PLEKHA5: variants seen among roughly 807,000 people sequenced by gnomAD.
PLEKHA5 encodes pleckstrin homology domain-containing family A member 5.
A neutral mutation model predicts 181.9 loss-of-function variants in PLEKHA5; 55 were observed. The ratio of observed to expected loss-of-function variants is 0.30; its 90% CI spans 0.24 to 0.38. The LOEUF is 0.38. PLEKHA5 is among the 10% of genes least tolerant of loss of function. The pLI is 1.00. For synonymous variants in PLEKHA5, 535 were observed against 529.4 expected (o/e 1.01, Z -0.15); for missense variants, 1,432 against 1,549.5 (o/e 0.92, Z 1.27).
At chr12:19,353,199 G>T (rs957318516) in intron 25 of PLEKHA5, among the ~76,000 whole-genome samples, 1 of 151,834 alleles carries the variant, frequency 6.6e-6, no homozygotes, top group Non-Finnish European at 1.5e-5. Context: ...TGTCACCCAG[G>T]CTGGAGTGCC....
At chr12:19,138,721 T>C (rs1335054907) in intron 3 of PLEKHA5, among the ~76,000 whole-genome samples, 5 of 151,888 alleles carry the variant, frequency 3.3e-5, no homozygotes, top group African/African-American at 4.8e-5. Flanking sequence ...TTCAGATGAG[T>C]TGATAAGACT....
At chr12:19,321,794 A>T (rs78740473) in intron 18 of PLEKHA5, 1 of 152,164 alleles carries the variant, frequency 6.6e-6, no homozygotes, top group Non-Finnish European at 1.5e-5. Context: ...TTTCTTGCTT[A>T]TGTGTCATTA....
chr12:19,340,404 G>A (rs1199408885), intron 21 of PLEKHA5, among the ~76,000 whole-genome samples: 37 of 137,860 alleles, frequency 2.7e-4, no homozygotes, highest in Non-Finnish European at 3.8e-4. Context: ...CGCCCCGTCC[G>A]GGAGGTGAGG....
intron 3 of PLEKHA5, among the ~76,000 whole-genome samples, chr12:19,226,054 A>T (rs2059643345): frequency 6.6e-6 from 1 of 152,200 alleles, no homozygotes; most frequent in African/African-American, 2.4e-5. Context: ...CCGTTTTAAA[A>T]TGTACAGTAC....
At chr12:19,314,467 T>C (rs1243689682) in intron 15 of PLEKHA5, among the ~76,000 whole-genome samples, 1 of 152,156 alleles carries the variant, frequency 6.6e-6, no homozygotes, top group Non-Finnish European at 1.5e-5. Flanking sequence ...TTTCTCCTGA[T>C]TGTGTAGGTT....
intron 16 of PLEKHA5, among the ~76,000 whole-genome samples, chr12:19,315,366 T>C (rs1010717355): frequency 3.3e-5 from 5 of 152,182 alleles, no homozygotes; most frequent in African/African-American, 9.6e-5. Flanking sequence ...TGTACTATGG[T>C]ATGGTAAAAC....
At chr12:19,247,044 A>G (rs1251618878) in intron 3 of PLEKHA5, among the ~76,000 whole-genome samples, 1 of 152,150 alleles carries the variant, frequency 6.6e-6, no homozygotes, top group Admixed American at 6.6e-5. Flanking sequence ...GAATGTGTGC[A>G]TGGTTATGAT....
At chr12:19,374,820 T>C (rs2095674050) in intron 31 of PLEKHA5, among the ~76,000 whole-genome samples, 1 of 149,674 alleles carries the variant, frequency 6.7e-6, no homozygotes, top group Non-Finnish European at 1.5e-5. Flanking sequence ...CTGGATGTGG[T>C]GATGTGCACC....
At chr12:19,331,379 T>C in intron 20 of PLEKHA5, among the ~76,000 whole-genome samples, 1 of 152,148 alleles carries the variant, frequency 6.6e-6, no homozygotes, top group Non-Finnish European at 1.5e-5. Context: ...TAAATAGAAT[T>C]TTTTTGTAGA....
rs2095414857 is a variant in PLEKHA5, at chr12:19,366,090, A to G, written c.3735A>G (p.Arg1245=). 2 of 1,611,686 alleles carry G rather than the reference A, an allele frequency of 1.2e-6. No individual in the cohort carries two copies. The highest frequency in any genetic ancestry group is 3.4e-5 in the Admixed American group (2 of 59,490). ...ACGAATCAACTCCTGAGGTTTCTAGAGGAAATCAAACAATGGCAGGTAGGT... is the reference window on the plus strand; with the variant it reads ...ACGAATCAACTCCTGAGGTTTCTAGGGGAAATCAAACAATGGCAGGTAGGT... The part of the protein sequence containing the change: ...ISYESTPEVS[R]GNQTMAVKSL... Residue 1245 remains arginine, a synonymous_variant, in exon 30 of 32, where the codon AGA becomes AGG. Transcript: ENST00000429027.
intron 29 of PLEKHA5, among the ~76,000 whole-genome samples, chr12:19,363,550 A>G (rs1054584694): frequency 4.7e-5 from 7 of 150,452 alleles, no homozygotes; most frequent in Admixed American, 4.0e-4. Flanking sequence ...GGAGTGCAGT[A>G]GTGCAATCTA....
chr12:19,248,628 GC>G (rs1005526927), intron 3 of PLEKHA5, among the ~76,000 whole-genome samples: 1 of 152,046 alleles, frequency 6.6e-6, no homozygotes, highest in African/African-American at 2.4e-5. Flanking sequence ...ATACTATATA[GC>G]CTAGGTTTAT....
intron 3 of PLEKHA5, among the ~76,000 whole-genome samples, chr12:19,204,569 C>T (rs554263070): frequency 3.9e-5 from 6 of 152,222 alleles, no homozygotes; most frequent in Non-Finnish European, 2.9e-5. Context: ...CATGCATACA[C>T]AGAATATTTT....
chr12:19,362,853 G>A (rs1237175904), intron 29 of PLEKHA5, among the ~76,000 whole-genome samples: 1 of 151,904 alleles, frequency 6.6e-6, no homozygotes, highest in Non-Finnish European at 1.5e-5. Context: ...CACTGCCTAT[G>A]CAGTCGGCCC....
intron 3 of PLEKHA5, among the ~76,000 whole-genome samples, chr12:19,172,964 G>GTTTT (rs33953502): frequency 8.7e-6 from 1 of 114,758 alleles, no homozygotes; most frequent in Non-Finnish European, 1.7e-5. Flanking sequence ...GAAAAAAGTT[G>GTTTT]TTTTTTTTTT....
chr12:19,348,586 T>C, intron 25 of PLEKHA5, 67 bp downstream of exon 25: 2 of 1,240,608 alleles, frequency 1.6e-6, no homozygotes, highest in Non-Finnish European at 2.2e-6. Flanking sequence ...GCCAAAATAG[T>C]AGTAAATTCC....
At chr12:19,177,451 G>A (rs4237980) in intron 3 of PLEKHA5, among the ~76,000 whole-genome samples, 135,156 of 152,082 alleles carry the variant, frequency 0.89, 60,872 homozygotes, top group Non-Finnish European at 0.97. Context: ...TTGATAGATA[G>A]GGAAACTAAG....
chr12:19,177,293 A>C (rs552887490), intron 3 of PLEKHA5, among the ~76,000 whole-genome samples: 3 of 152,182 alleles, frequency 2.0e-5, no homozygotes, highest in Non-Finnish European at 4.4e-5. Flanking sequence ...ATAATTAATG[A>C]TGTGTTAAAA....
At chr12:19,192,701 A>G (rs4307767) in intron 3 of PLEKHA5, among the ~76,000 whole-genome samples, 136,805 of 152,124 alleles carry the variant, frequency 0.9, 62,131 homozygotes, top group Non-Finnish European at 0.97. Flanking sequence ...GTCAGACCCT[A>G]TGTCTCAAAA....
Sources: allele counts gnomAD v4.1 joint callset (sites outside exome capture counted in the v4.1 genomes callset), GRCh38; gene constraint gnomAD v4.1.1; transcripts MANE v1.5; gene names NCBI Gene and HGNC (gene_info 2026-07-23, HGNC 2026-07-21).